GNAS: variants seen among roughly 807,000 people sequenced by gnomAD.
The protein encoded by GNAS is GNAS complex locus, also known as protein ALEX.
A neutral mutation model predicts 54.5 loss-of-function variants in GNAS; 8 were observed. That is an observed-to-expected ratio of 0.15 (90% confidence interval 0.09 to 0.26). GNAS has a LOEUF of 0.26. Among genes scored for constraint, GNAS ranks in the 10% least tolerant of loss-of-function variants. The pLI, the probability that GNAS is intolerant of heterozygous loss-of-function variation, is 1.00. For synonymous variants in GNAS, 204 were observed against 191.4 expected, an observed-to-expected ratio of 1.07 and a Z score of -0.54; for missense variants, 170 against 529.8, an observed-to-expected ratio of 0.32 and a Z score of 6.67.
At chr20:58,896,790 G>C (rs904405427) in intron 2 of GNAS, among the ~76,000 whole-genome samples, 4 of 152,166 alleles carry the variant, frequency 2.6e-5, no homozygotes, top group South Asian at 2.1e-4. Context: ...ACTTGGATTC[G>C]ATTGAAAATT....
chr20:58,878,920 G>C (rs1185091525), intron 1 of GNAS, among the ~76,000 whole-genome samples: 1 of 143,550 alleles, frequency 7.0e-6, no homozygotes, highest in African/African-American at 2.5e-5. Flanking sequence ...GGTGGGGGGG[G>C]GAGGGAGACA....
At chr20:58,861,270 G>A (rs2086769626) in intron 1 of GNAS, among the ~76,000 whole-genome samples, 1 of 152,142 alleles carries the variant, frequency 6.6e-6, no homozygotes, top group African/African-American at 2.4e-5. Context: ...TTTCTCAGGA[G>A]GAGTAGCAAT....
chr20:58,843,741 C>T (rs1223378026), intron 1 of GNAS, among the ~76,000 whole-genome samples: 1 of 152,182 alleles, frequency 6.6e-6, no homozygotes, highest in Non-Finnish European at 1.5e-5. Flanking sequence ...TAATCATTTG[C>T]TTAATGGAAA....
intron 1 of GNAS, among the ~76,000 whole-genome samples, chr20:58,868,837 G>T (rs1000983225): frequency 2.0e-5 from 3 of 152,106 alleles, no homozygotes; most frequent in African/African-American, 7.2e-5. Flanking sequence ...AAATTATTCA[G>T]GGCTGGGAAG....
intron 1 of GNAS, among the ~76,000 whole-genome samples, chr20:58,858,430 T>C (rs1420452721): frequency 1.3e-5 from 2 of 152,026 alleles, no homozygotes; most frequent in Non-Finnish European, 2.9e-5. Context: ...AATTCTAAAA[T>C]ATCTAAAGAG....
chr20:58,871,507 G>A (rs773395697), intron 1 of GNAS, among the ~76,000 whole-genome samples: 5 of 151,484 alleles, frequency 3.3e-5, no homozygotes, highest in African/African-American at 4.9e-5. Flanking sequence ...CTAGCTACTC[G>A]GGAGGCTGAG....
At chr20:58,864,005 G>C (rs1424406781) in intron 1 of GNAS, 1 of 152,214 alleles carries the variant, frequency 6.6e-6, no homozygotes, top group African/African-American at 2.4e-5. Context: ...AAAGGAAAGA[G>C]AATCTCGTGT....
At chr20:58,890,413 G>A (rs1304808405), upstream of GNAS, among the ~76,000 whole-genome samples, 10 of 151,742 alleles carry the variant, frequency 6.6e-5, no homozygotes, top group Non-Finnish European at 1.3e-4. Flanking sequence ...GCGGCGCCGC[G>A]CGTTGGGGGC....
rs569671213 is a variant in GNAS at position 58,893,300 on chromosome 20, T to C, written c.139+1435T>C. 4.6e-5 allele frequency among the ~76,000 whole-genome samples: 7 copies of C among 152,226 alleles called. No homozygotes were observed. In the South Asian group the frequency reaches 1.4e-3, roughly 32 times the overall value. On this transcript the variant is annotated intron_variant, in intron 1 of 12. Transcript: ENST00000371085. ...TTAACTATAAGGAGATGGCCTTTCCTCCTTTTTTTTCTTAAGGTGCTGTTT... is the reference window on the plus strand; with the variant it reads ...TTAACTATAAGGAGATGGCCTTTCCCCCTTTTTTTTCTTAAGGTGCTGTTT...
At chr20:58,885,243 T>C (rs1476640708) in intron 1 of GNAS, among the ~76,000 whole-genome samples, 1 of 151,942 alleles carries the variant, frequency 6.6e-6, no homozygotes, top group Admixed American at 6.6e-5. Flanking sequence ...CTCTCACAGA[T>C]GGTGCCTCCC....
intron 3 of GNAS, chr20:58,899,439 G>A (rs553203911): frequency 4.7e-5 from 25 of 536,570 alleles, no homozygotes; most frequent in South Asian, 1.5e-4. Flanking sequence ...ATGCTGCACC[G>A]TCTTTAATTT....
rs913547509 is a variant in GNAS at position 58,856,582 on chromosome 20, T to C, written c.43+15696T>C. On this transcript the variant is annotated intron_variant, in intron 1 of 12. Coordinates refer to the GNAS transcript ENST00000306090. The surrounding 1 kb of genome is among the most constrained non-coding windows in gnomAD (Gnocchi z 4.2). ...GTATTTGAAGTGTGTGGACAAAGTA[T>C]GGCAAAACCGTGAATATGACTTGTG... The C allele has an allele frequency of 6.6e-6, 1 of 152,412 alleles. No homozygotes were observed. The highest frequency in any genetic ancestry group is 2.4e-5 in the African/African-American group (1 of 41,450). The allele number at this position is 152,412 out of a possible 1,614,324, so 9.4% of individuals were successfully genotyped here. A position where few individuals can be genotyped will look rare whatever the true frequency, so the allele number is the denominator to read the frequency against.
upstream of GNAS, among the ~76,000 whole-genome samples, chr20:58,888,158 G>T (rs1044531173): frequency 6.6e-6 from 1 of 152,126 alleles, no homozygotes; most frequent in African/African-American, 2.4e-5. Flanking sequence ...CTGTTAAGAA[G>T]TCAAAGAAAA....
rs2086289173 is a variant in GNAS, at chr20:58,853,840, C to T, written c.43+12954C>T. The T allele has an allele frequency of 6.3e-7, 1 of 1,596,162 alleles. No individual in the cohort carries two copies. On this transcript the variant is annotated intron_variant, in intron 1 of 12. Transcript: ENST00000306090. The surrounding 1 kb of genome is among the most constrained non-coding windows in gnomAD (Gnocchi z 4.4). ...CTTGCTCCAGGAGGCCCAGGTGCTG[C>T]AGGGGTCCCCGGAGCTCCTCCCGAG... is the stretch of plus-strand genomic sequence containing the variant.
chr20:58,899,803 T>A (rs766840221), intron 3 of GNAS: 2 of 644,260 alleles, frequency 3.1e-6, no homozygotes, highest in African/African-American at 1.8e-5. Flanking sequence ...GTGGAGTGGC[T>A]ATTTCTCATG....
chr20:58,903,860 G>A (rs2146187838), intron 5 of GNAS, 69 bp downstream of exon 5: 1 of 1,550,038 alleles, frequency 6.5e-7, no homozygotes, highest in Non-Finnish European at 8.9e-7. Flanking sequence ...ATAGGAACAT[G>A]AGTGACAGCC....
intron 3 of GNAS, 121 bp from the exon 4 acceptor site, chr20:58,903,410 G>A (rs1378036102): frequency 1.0e-5 from 9 of 877,574 alleles, no homozygotes; most frequent in Admixed American, 3.9e-5. Flanking sequence ...GCACAGATCC[G>A]AACCCACAAC....
chr20:58,903,842 G>A (rs762318801), intron 5 of GNAS, 51 bp downstream of exon 5: 2 of 1,606,770 alleles, frequency 1.2e-6, no homozygotes, highest in East Asian at 4.5e-5. Context: ...CCTGAGCACA[G>A]TGTCCATATA....
upstream of GNAS, chr20:58,889,360 C>T (rs1600933266): frequency 1.0e-6 from 1 of 983,848 alleles, no homozygotes; most frequent in Middle Eastern, 5.2e-4. Context: ...ACATGTAAGT[C>T]GGGGAGCGCC....
Sources: gnomAD v4.1 joint callset for allele counts (sites outside exome capture counted in the v4.1 genomes callset) on GRCh38, gnomAD v4.1.1 for gene constraint, Gnocchi (gnomAD v3.1) non-coding constraint, MANE v1.5 for transcripts, NCBI Gene and HGNC (gene_info 2026-07-23, HGNC 2026-07-21) for gene names.